PLEKHH3: variants seen among roughly 807,000 people sequenced by gnomAD.
PLEKHH3 encodes the protein pleckstrin homology domain-containing family H member 3.
PLEKHH3 carries 57 observed loss-of-function variants against 77.8 expected under a neutral mutation model. That is an observed-to-expected ratio of 0.73 (90% confidence interval 0.59 to 0.91). The LOEUF (loss-of-function observed/expected upper bound fraction) is 0.91. Ranked by LOEUF, PLEKHH3 falls within the 40% of genes least tolerant of loss-of-function variation. The pLI, the probability that PLEKHH3 is intolerant of heterozygous loss-of-function variation, is 0.00. For missense variants in PLEKHH3, 1,082 were observed against 1,091.2 expected (o/e 0.99, Z 0.12); for synonymous variants, 467 against 504.8 (o/e 0.93, Z 1.00).
At position 42,676,362 on chromosome 17, in the gene PLEKHH3, G is replaced by A. The variant is rs1215786727; in HGVS notation, c.162+40C>T. 4 of 1,609,078 alleles carry A rather than the reference G, an allele frequency of 2.5e-6. No individual in the cohort carries two copies. The highest frequency in any genetic ancestry group is 2.5e-6 in the Non-Finnish European group (3 of 1,177,424). Reference sequence around the variant, plus strand: ...GATCAGCGTGACGGCCGGTTACAGCGAGAGTGATTGAGACGAGGCTCCGAA... The same window carrying A: ...GATCAGCGTGACGGCCGGTTACAGCAAGAGTGATTGAGACGAGGCTCCGAA... On this transcript the variant is annotated intron_variant, in intron 1 of 12. Coordinates refer to ENST00000591022, the MANE Select transcript of PLEKHH3 (RefSeq NM_024927.5). The surrounding 1 kb of genome is among the most constrained non-coding windows in gnomAD (Gnocchi z 6.6).
In PLEKHH3 at chr17:42,673,754, C is replaced by A. The variant is rs369902569; in HGVS notation, c.379G>T (p.Asp127Tyr). Reference protein sequence around the residue: ...PRRAWFVLTRDSLDQFSSSGK... With the variant: ...PRRAWFVLTRYSLDQFSSSGK... ...CTGCTGCTGAACTGATCCAGGGAGT[C>A]CCGCGTGAGCACAAACCAGGCTCGG... Residue 127 changes from aspartate to tyrosine, a missense_variant, in exon 4 of 13, where the codon GAC (aspartate) becomes TAC (tyrosine). By Grantham distance (160) the Asp-to-Tyr change is radical. Transcript: ENST00000591022. 130 of 1,598,946 alleles carry A rather than the reference C, an allele frequency of 8.1e-5. No homozygotes were observed. Among genetic ancestry groups the A allele is most frequent in the Middle Eastern group, 5.0e-4 (3 of 6,020 alleles).
At position 42,669,416 on chromosome 17, in the gene PLEKHH3, C is replaced by T. The variant is rs751087468; in HGVS notation, c.2205+14G>A. 69 of 1,512,616 alleles carry T rather than the reference C, an allele frequency of 4.6e-5. No individual in the cohort carries two copies. The highest frequency in any genetic ancestry group is 5.7e-5 in the Non-Finnish European group (64 of 1,128,344). The allele number at this position is 1,512,616 out of a possible 1,614,324, so 93.7% of individuals were successfully genotyped here. A position where few individuals can be genotyped will look rare whatever the true frequency, so the allele number is the denominator to read the frequency against. ...CCCTTCTCTCCTCCTCCCACAACTC[C>T]TCTTCTCACTCACCTGGGGGCTCTG... is the stretch of plus-strand genomic sequence containing the variant. On this transcript the variant is annotated intron_variant, in intron 12 of 12. Transcript: ENST00000591022.
intron 1 of PLEKHH3, among the ~76,000 whole-genome samples, chr17:42,675,575 G>A (rs2052804452): frequency 6.6e-6 from 1 of 152,156 alleles, no homozygotes; most frequent in Non-Finnish European, 1.5e-5. Flanking sequence ...GGCCCCGGCG[G>A]CGCAGCCCGC....
At position 42,668,051 on chromosome 17, in the gene PLEKHH3, C is replaced by G. The variant is rs1270162186; in HGVS notation, c.*76G>C. 1.6e-6 allele frequency: 2 copies of G among 1,245,330 alleles called. No individual in the cohort carries two copies. Among genetic ancestry groups the G allele is most frequent in the East Asian group, 6.3e-5 (2 of 31,960 alleles). The allele number at this position is 1,245,330 out of a possible 1,614,324, so 77.1% of individuals were successfully genotyped here. Reference sequence around the variant, plus strand: ...CCTGTCCCTGCAGGGCCAAAAGGGTCCATGTTTCCCTCAAATCTCAGAGCA... The same window carrying G: ...CCTGTCCCTGCAGGGCCAAAAGGGTGCATGTTTCCCTCAAATCTCAGAGCA... On this transcript the variant is annotated 3_prime_UTR_variant, in exon 13 of 13. Transcript: ENST00000591022.
intron 12 of PLEKHH3, chr17:42,668,606 C>T (rs532885421): frequency 3.8e-4 from 70 of 183,544 alleles, no homozygotes; most frequent in African/African-American, 1.6e-3. Flanking sequence ...TACAGGCGCC[C>T]GCCAACACGC....
intron 5 of PLEKHH3, 36 bp from the exon 6 acceptor site, chr17:42,673,332 A>G (rs2052743278): frequency 1.2e-6 from 2 of 1,605,298 alleles, no homozygotes; most frequent in African/African-American, 2.7e-5. Flanking sequence ...TTGATGGGGA[A>G]GGGAGTTCCT....
chr17:42,671,491 G>C lies in PLEKHH3; in HGVS notation c.1144C>G (p.Arg382Gly), dbSNP rs768402350. Residue 382 changes from arginine to glycine, a missense_variant, in exon 8 of 13, where the codon CGG (arginine) becomes GGG (glycine). This residue lies in a region of PLEKHH3 where 733 missense variants were observed against 750.0 expected (regional missense o/e 0.98). Transcript: ENST00000591022. This position sits in a 1 kb window ranked among gnomAD's most constrained non-coding sequence, Gnocchi z 4.7. ...YARFIRKALG[R>G]TRGRELVPSL... is the part of the protein sequence containing the mutation. The stretch of plus-strand genomic sequence containing the variant: ...GGCACCAGCTCTCTGCCGCGCGTCC[G>C]GCCCAGCGCTTTCCGGATGAAGCGC... 1.2e-5 allele frequency: 19 copies of C among 1,612,936 alleles called. No homozygotes were observed. The highest frequency in any genetic ancestry group is 1.4e-5 in the Non-Finnish European group (17 of 1,179,982).
intron 12 of PLEKHH3, chr17:42,668,703 C>T (rs1338323382): frequency 6.5e-6 from 1 of 154,284 alleles, no homozygotes; most frequent in African/African-American, 2.4e-5. Flanking sequence ...ATGATCCGCC[C>T]ATCTCGGCCT....
chr17:42,675,288 G>T (rs1222869991), intron 1 of PLEKHH3, among the ~76,000 whole-genome samples: 1 of 152,134 alleles, frequency 6.6e-6, no homozygotes, highest in African/African-American at 2.4e-5. Flanking sequence ...CCCAGGCTCA[G>T]GGAAGGGGGG....
rs200976418 is a variant in PLEKHH3 at position 42,676,605 on chromosome 17, C to T, written c.-42G>A. ...GGATGGGGGCGCGGGCAGCCGCGGC[C>T]GAGCAGTAGGGGGTCGGAGGAACTG... On this transcript the variant is annotated 5_prime_UTR_variant, in exon 1 of 13. Coordinates refer to ENST00000591022, the MANE Select transcript of PLEKHH3 (RefSeq NM_024927.5). This position sits in a 1 kb window ranked among gnomAD's most constrained non-coding sequence, Gnocchi z 6.6. 3.7e-4 allele frequency: 572 copies of T among 1,537,084 alleles called. 1 individual carries two copies. The Middle Eastern group carries it at 0.012, about 32-fold the overall frequency.
chr17:42,672,204 C>T lies in PLEKHH3; in HGVS notation c.958G>A (p.Gly320Arg). The change falls in exon 7 of 13, where the codon GGG becomes AGG. Residue 320 changes from glycine to arginine, a missense_variant. Around this residue, in one of 3 missense-constraint regions of PLEKHH3, gnomAD observed 733 missense variants for 750.0 expected, o/e 0.98. Transcript: ENST00000591022. ...GCAGGGTCTTGGGTAGCCGGGAGCC[C>T]GGGGGGACCTGCAGGGCCCGAGGTC... ...KQTSGPAGPPGLPATQDPAAL... is the reference protein window; with the variant it reads ...KQTSGPAGPPRLPATQDPAAL... 1.3e-6 allele frequency: 2 copies of T among 1,551,132 alleles called. No individual in the cohort carries two copies. The highest frequency in any genetic ancestry group is 1.7e-6 in the Non-Finnish European group (2 of 1,147,084).
Position 42,676,173 on chromosome 17 carries a change from C to T in PLEKHH3, c.162+229G>A, listed in dbSNP as rs2052822490. On this transcript the variant is annotated intron_variant, in intron 1 of 12. Transcript: ENST00000591022. This position sits in a 1 kb window ranked among gnomAD's most constrained non-coding sequence, Gnocchi z 6.6. ...GCGTGACGCCTCCCCTGCCTCAGGGCCCCCAGCAGGTGGATAGCGCCCAGC... is the reference window on the plus strand; with the variant it reads ...GCGTGACGCCTCCCCTGCCTCAGGGTCCCCAGCAGGTGGATAGCGCCCAGC... 2 of 1,377,726 alleles carry T rather than the reference C, an allele frequency of 1.5e-6. No individual in the cohort carries two copies. The highest frequency in any genetic ancestry group is 1.9e-6 in the Non-Finnish European group (2 of 1,062,440). The allele number at this position is 1,377,726 out of a possible 1,614,324, so 85.3% of individuals were successfully genotyped here. A position where few individuals can be genotyped will look rare whatever the true frequency, so the allele number is the denominator to read the frequency against.
chr17:42,676,159 C>G lies in PLEKHH3; in HGVS notation c.162+243G>C, dbSNP rs894981177. The G allele has an allele frequency of 1.4e-6, 2 of 1,380,654 alleles. No individual in the cohort carries two copies. Among genetic ancestry groups the G allele is most frequent in the Non-Finnish European group, 1.9e-6 (2 of 1,068,478 alleles). 85.5% of individuals were successfully genotyped at this position (1,380,654 alleles called of 1,614,324 possible). A position where few individuals can be genotyped will look rare whatever the true frequency, so the allele number is the denominator to read the frequency against. ...CCAGGTCGGGCCACGCGTGACGCCT[C>G]CCCTGCCTCAGGGCCCCCAGCAGGT... is the stretch of plus-strand genomic sequence containing the variant. On this transcript the variant is annotated intron_variant, in intron 1 of 12. Transcript: ENST00000591022. This position sits in a 1 kb window ranked among gnomAD's most constrained non-coding sequence, Gnocchi z 6.6.
In PLEKHH3 at chr17:42,671,599, T is replaced by G. The variant is rs1048550826; in HGVS notation, c.1077-41A>C. On this transcript the variant is annotated intron_variant, in intron 7 of 12. Coordinates refer to ENST00000591022, the MANE Select transcript of PLEKHH3 (RefSeq NM_024927.5). This position sits in a 1 kb window ranked among gnomAD's most constrained non-coding sequence, Gnocchi z 4.7. ...CCCAGGGATCAATACTCCAAGGGCT[T>G]TCTTCTCCCCCTCCCTCTTGCCTGC... is the stretch of plus-strand genomic sequence containing the variant. 8 of 1,548,548 alleles carry G rather than the reference T, an allele frequency of 5.2e-6. No individual in the cohort carries two copies. In the Admixed American group the frequency reaches 5.7e-5, roughly 11 times the overall value.
At chr17:42,674,501 T>C (rs1378993198) in intron 1 of PLEKHH3, 92 bp from the exon 2 acceptor site, 2 of 1,089,844 alleles carry the variant, frequency 1.8e-6, no homozygotes, top group African/African-American at 7.9e-5. Flanking sequence ...GCTCAGGGGA[T>C]TGAGGAAGGA....
Position 42,673,981 on chromosome 17 carries a change from A to G in PLEKHH3, c.251T>C (p.Ile84Thr), listed in dbSNP as rs1464180562. The G allele has an allele frequency of 1.9e-6, 3 of 1,613,326 alleles. No homozygotes were observed. In the East Asian group the frequency reaches 6.7e-5, roughly 36 times the overall value. ...GTCCTCCGGCAGCCCTTTCTCCGGG[A>G]TGAGGCTCCAAGTCTCCTCCCAGCT... ...LQSWEETWSL[I>T]PEKGLPEDDP... Residue 84 changes from isoleucine (I) to threonine (T), a missense_variant, in exon 3 of 13, where the codon ATC (isoleucine) becomes ACC (threonine). Ile to Thr is a moderately conservative substitution (Grantham distance 89). Coordinates refer to ENST00000591022, the MANE Select transcript of PLEKHH3 (RefSeq NM_024927.5).
At position 42,671,172 on chromosome 17, in the gene PLEKHH3, C is replaced by T; in HGVS notation, c.1285-42G>A. On this transcript the variant is annotated intron_variant, in intron 8 of 12. Transcript: ENST00000591022. The surrounding 1 kb of genome is among the most constrained non-coding windows in gnomAD (Gnocchi z 4.7). The stretch of plus-strand genomic sequence containing the variant: ...AGGGGAGACCACTCAGAGGTCTTGC[C>T]AGGATTCTGGGAGGGGTTGATTCAA... 6.5e-7 allele frequency: 1 copy of T among 1,538,906 alleles called. No individual in the cohort carries two copies. Among genetic ancestry groups the T allele is most frequent in the Admixed American group, 2.0e-5 (1 of 48,818 alleles).
intron 11 of PLEKHH3, 108 bp downstream of exon 11, chr17:42,669,810 G>A (rs895081443): frequency 5.6e-5 from 87 of 1,547,318 alleles, no homozygotes; most frequent in Non-Finnish European, 7.6e-5. Context: ...GAGATGGGTA[G>A]CTGTTCTGGA....
Position 42,674,354 on chromosome 17 carries a change from C to G in PLEKHH3, c.218G>C (p.Arg73Thr). ...QPVRSGPVSN[R>T]LQSWEETWSL... ...TATGGGACGTAGGGGCGTAGCTCAC[C>G]TGTTGGAGACAGGCCCGCTCCTCAC... The change falls in exon 2 of 13, where the codon AGG (arginine) becomes ACG (threonine). Residue 73 changes from arginine to threonine, a missense_variant and splice_region_variant. Physicochemically the swap from Arg to Thr is moderately conservative, Grantham distance 71. This residue lies in a region of PLEKHH3 where 344 missense variants were observed against 320.8 expected (regional missense o/e 1.07). Coordinates refer to ENST00000591022, the MANE Select transcript of PLEKHH3 (RefSeq NM_024927.5). 2 of 1,579,038 alleles carry G rather than the reference C, an allele frequency of 1.3e-6. No homozygotes were observed. The highest frequency in any genetic ancestry group is 1.4e-5 in the African/African-American group (1 of 73,620).
Sources: gnomAD v4.1 joint callset for allele counts (sites outside exome capture counted in the v4.1 genomes callset) on GRCh38, gnomAD v4.1.1 for gene constraint, gnomAD v4.1.1 regional missense constraint, Gnocchi (gnomAD v3.1) non-coding constraint, MANE v1.5 for transcripts, NCBI Gene and HGNC (gene_info 2026-07-23, HGNC 2026-07-21) for gene names.